Variants in RABGAP1 observed in about 807,000 individuals in gnomAD.
RABGAP1 encodes the protein rab GTPase-activating protein 1.
In RABGAP1, 23 loss-of-function variants were observed where a neutral mutation model predicts 137.6. That is an observed-to-expected ratio of 0.17 (90% CI 0.12 to 0.24). RABGAP1 has a LOEUF of 0.24. Ranked by LOEUF, RABGAP1 falls within the 10% of genes least tolerant of loss-of-function variation. The pLI, the probability that RABGAP1 is intolerant of heterozygous loss-of-function variation, is 1.00. For missense variants in RABGAP1, 906 were observed against 1,275.8 expected (o/e 0.71, Z 4.42); for synonymous variants, 451 against 450.7 (o/e 1.00, Z -0.01).
At chr9:122,975,835 T>G (rs2131706690) in intron 2 of RABGAP1, among the ~76,000 whole-genome samples, 1 of 152,338 alleles carries the variant, frequency 6.6e-6, no homozygotes. Flanking sequence ...AGATAGATAT[T>G]AACATCCTCA....
intron 5 of RABGAP1, 176 bp downstream of exon 5, chr9:122,989,647 T>A: frequency 1.5e-6 from 1 of 688,738 alleles, no homozygotes; most frequent in Non-Finnish European, 2.4e-6. Context: ...TTTGATTAAC[T>A]AGAACTTTGT....
intron 23 of RABGAP1, 55 bp from the exon 24 acceptor site, chr9:123,099,423 T>G: frequency 6.7e-7 from 1 of 1,486,882 alleles, no homozygotes; most frequent in Non-Finnish European, 9.4e-7. Context: ...CTATGGAATT[T>G]ATGCAGATGA....
chr9:122,935,667 C>T, the RABGAP1 span, among the ~76,000 whole-genome samples: 5 of 152,146 alleles, frequency 3.3e-5, no homozygotes, highest in Admixed American at 2.6e-4. Flanking sequence ...ATGCATTTCA[C>T]TTTTAAATCA....
chr9:123,101,773 G>T lies in RABGAP1; in HGVS notation c.3087+10G>T, dbSNP rs758853220. On this transcript the variant is annotated intron_variant, in intron 25 of 25. Transcript: ENST00000373647. ...CGAGTGTAAGATACAGGTAACAGCA[G>T]CAGAGCTCAGACATGTGCCTGCGGG... is the stretch of plus-strand genomic sequence containing the variant. The T allele has an allele frequency of 1.3e-6, 2 of 1,591,906 alleles. No individual in the cohort carries two copies. The highest frequency in any genetic ancestry group is 1.7e-6 in the Non-Finnish European group (2 of 1,169,232).
intron 2 of RABGAP1, among the ~76,000 whole-genome samples, chr9:122,966,272 C>G (rs1835137613): frequency 6.6e-6 from 1 of 152,130 alleles, no homozygotes; most frequent in Admixed American, 6.5e-5. Context: ...GGCCTGTAAT[C>G]CCAGCACTAT....
chr9:123,010,262 A>T, intron 10 of RABGAP1, 92 bp from the exon 11 acceptor site: 1 of 1,150,560 alleles, frequency 8.7e-7, no homozygotes, highest in Non-Finnish European at 1.2e-6. Context: ...GTGAGCCGAG[A>T]TCACTGCAAT....
At chr9:123,019,685 T>TG (rs1335465229) in intron 12 of RABGAP1, among the ~76,000 whole-genome samples, 1 of 88,828 alleles carries the variant, frequency 1.1e-5, no homozygotes, top group Non-Finnish European at 3.0e-5. Context: ...TTTTGCTCTT[T>TG]TTTTGTTTGT....
At chr9:122,949,720 A>T (rs1834130045) in intron 1 of RABGAP1, among the ~76,000 whole-genome samples, 1 of 151,918 alleles carries the variant, frequency 6.6e-6, no homozygotes, top group African/African-American at 2.4e-5. Context: ...AAGGAAAAAA[A>T]AAAAGTGTTG....
In RABGAP1 at chr9:123,104,663, C is replaced by T. The variant is rs2035448261; in HGVS notation, c.*1450C>T. 6.6e-6 allele frequency: 1 copy of T among 152,448 alleles called. No individual in the cohort carries two copies. Among genetic ancestry groups the T allele is most frequent in the Non-Finnish European group, 1.5e-5 (1 of 68,244 alleles). 9.4% of individuals were successfully genotyped at this position (152,448 alleles called of 1,614,324 possible). A position where few individuals can be genotyped will look rare whatever the true frequency, so the allele number is the denominator to read the frequency against. Reference sequence around the variant, plus strand: ...GCAACCCCCTCCCCACCAACCATCCCCTTTGCTGCTTTCTGTGTCTTTCTT... The same window carrying T: ...GCAACCCCCTCCCCACCAACCATCCTCTTTGCTGCTTTCTGTGTCTTTCTT... On this transcript the variant is annotated 3_prime_UTR_variant, in exon 26 of 26. Transcript: ENST00000373647.
At chr9:123,026,762 G>A (rs1322154058) in intron 13 of RABGAP1, among the ~76,000 whole-genome samples, 1 of 152,202 alleles carries the variant, frequency 6.6e-6, no homozygotes, top group East Asian at 1.9e-4. Context: ...GCACTTTCTT[G>A]TTCCCGGCTT....
chr9:123,031,241 G>T (rs1370536200), intron 13 of RABGAP1, among the ~76,000 whole-genome samples: 1 of 152,000 alleles, frequency 6.6e-6, no homozygotes, highest in Admixed American at 6.6e-5. Context: ...TTTGACTTTG[G>T]TGAACACTTT....
At chr9:122,959,309 C>T (rs923991283) in intron 2 of RABGAP1, among the ~76,000 whole-genome samples, 4 of 124,610 alleles carry the variant, frequency 3.2e-5, no homozygotes, top group Admixed American at 1.1e-4. Flanking sequence ...CAGTAGTGGG[C>T]ATGGGCTGGA....
At chr9:123,005,010 C>G (rs148489329) in intron 10 of RABGAP1, among the ~76,000 whole-genome samples, 2,368 of 137,394 alleles carry the variant, frequency 0.017, 35 homozygotes, top group South Asian at 0.07. Flanking sequence ...GAGCCGAGAT[C>G]GCGCCATTGC....
chr9:122,942,847 A>T (rs1020403026), intron 1 of RABGAP1, among the ~76,000 whole-genome samples: 1 of 151,940 alleles, frequency 6.6e-6, no homozygotes, highest in African/African-American at 2.4e-5. Context: ...CAGATTCATA[A>T]TTAAAGTTGA....
chr9:123,021,645 G>C (rs536171409), intron 13 of RABGAP1, among the ~76,000 whole-genome samples: 1 of 152,256 alleles, frequency 6.6e-6, no homozygotes, highest in Admixed American at 6.5e-5. Flanking sequence ...TCAAACATGA[G>C]ATAGGACCTT....
At chr9:123,096,785 T>C (rs1382881900) in intron 21 of RABGAP1, among the ~76,000 whole-genome samples, 1 of 152,206 alleles carries the variant, frequency 6.6e-6, no homozygotes, top group Admixed American at 6.5e-5. Flanking sequence ...TTGGCCAGGC[T>C]GTTCTCAAAT....
chr9:123,064,490 C>T (rs958634968), intron 13 of RABGAP1, among the ~76,000 whole-genome samples: 1 of 152,162 alleles, frequency 6.6e-6, no homozygotes. Context: ...CATTTTTCAT[C>T]TTAAAACAGA....
chr9:122,998,994 A>G (rs1164130818), intron 10 of RABGAP1, among the ~76,000 whole-genome samples: 1 of 152,178 alleles, frequency 6.6e-6, no homozygotes, highest in Admixed American at 6.5e-5. Flanking sequence ...CAACCCGAAG[A>G]ACAGCATTTC....
chr9:123,057,087 G>A (rs544048618), intron 13 of RABGAP1, among the ~76,000 whole-genome samples: 18 of 148,738 alleles, frequency 1.2e-4, no homozygotes, highest in African/African-American at 3.2e-4. Context: ...CGGACGGGGC[G>A]GCTGGCCGGG....
Sources: allele counts gnomAD v4.1 joint callset (sites outside exome capture counted in the v4.1 genomes callset), GRCh38; gene constraint gnomAD v4.1.1; transcripts MANE v1.5; gene names NCBI Gene and HGNC (gene_info 2026-07-23, HGNC 2026-07-21).